Variants in SKAP2 observed in about 807,000 individuals in gnomAD.
SKAP2 encodes src kinase-associated phosphoprotein 2.
SKAP2 carries 28 observed loss-of-function variants against 54.9 expected under a neutral mutation model. The observed-to-expected ratio is 0.51, with a 90% confidence interval of 0.38 to 0.70. The LOEUF is 0.70. Among genes scored for constraint, SKAP2 ranks in the 30% least tolerant of loss-of-function variants. SKAP2 has a pLI of 0.00. For synonymous variants in SKAP2, 137 were observed against 134.3 expected (o/e 1.02, Z -0.14); for missense variants, 356 against 424.1 (o/e 0.84, Z 1.41).
At chr7:26,726,423 T>C (rs1787710629) in intron 7 of SKAP2, among the ~76,000 whole-genome samples, 1 of 152,168 alleles carries the variant, frequency 6.6e-6, no homozygotes, top group South Asian at 2.1e-4. Context: ...TAAACATACA[T>C]TCCATATTGA....
intron 4 of SKAP2, among the ~76,000 whole-genome samples, chr7:26,834,805 AAAC>A (rs1238155802): frequency 6.6e-6 from 1 of 152,226 alleles, no homozygotes; most frequent in Non-Finnish European, 1.5e-5. Flanking sequence ...AAACTATTCC[AAAC>A]AACAGAAAAA....
intron 4 of SKAP2, among the ~76,000 whole-genome samples, chr7:26,775,529 ACGTGTG>A (rs905893708): frequency 1.3e-5 from 1 of 77,112 alleles, no homozygotes; most frequent in Non-Finnish European, 2.5e-5. Context: ...TTTTACTTGT[ACGTGTG>A]TGTGTGTGTG....
At chr7:26,794,251 A>C (rs573014912) in intron 4 of SKAP2, among the ~76,000 whole-genome samples, 2 of 152,232 alleles carry the variant, frequency 1.3e-5, no homozygotes, top group South Asian at 4.1e-4. Flanking sequence ...CAGTAATCCT[A>C]GGGGGAGGAA....
chr7:26,699,803 G>C (rs944900207), intron 9 of SKAP2, among the ~76,000 whole-genome samples: 9 of 151,968 alleles, frequency 5.9e-5, no homozygotes, highest in Non-Finnish European at 1.3e-4. Flanking sequence ...TCTAAACATT[G>C]TTCATCCACC....
chr7:26,736,437 AG>A (rs11335338), intron 6 of SKAP2, among the ~76,000 whole-genome samples: 103,762 of 152,094 alleles, frequency 0.68, 35,689 homozygotes, highest in East Asian at 0.88. Flanking sequence ...TGGCTTAAAA[AG>A]GGGGAGAAAC....
intron 4 of SKAP2, among the ~76,000 whole-genome samples, chr7:26,823,284 G>A (rs1022757843): frequency 4.0e-5 from 6 of 151,868 alleles, no homozygotes; most frequent in Non-Finnish European, 8.8e-5. Flanking sequence ...AAATTAGCTG[G>A]GTGTGGTGGT....
chr7:26,695,786 C>T (rs1484717337), intron 9 of SKAP2, among the ~76,000 whole-genome samples: 2 of 152,180 alleles, frequency 1.3e-5, no homozygotes, highest in Non-Finnish European at 2.9e-5. Context: ...TCTCCCAGTT[C>T]CCCTTCCTCA....
intron 4 of SKAP2, among the ~76,000 whole-genome samples, chr7:26,839,077 C>T (rs1305112524): frequency 6.6e-6 from 1 of 152,072 alleles, no homozygotes; most frequent in Non-Finnish European, 1.5e-5. Context: ...ATCTAGTCCA[C>T]TTTGTTATAG....
chr7:26,835,603 G>T (rs1323539555), intron 4 of SKAP2, among the ~76,000 whole-genome samples: 2 of 152,000 alleles, frequency 1.3e-5, no homozygotes, highest in Non-Finnish European at 1.5e-5. Context: ...GCAACAAGAA[G>T]AATAAAATAC....
intron 9 of SKAP2, among the ~76,000 whole-genome samples, chr7:26,718,424 C>T (rs1362604877): frequency 6.6e-6 from 1 of 151,914 alleles, no homozygotes; most frequent in African/African-American, 2.4e-5. Flanking sequence ...AAAAAAGGAA[C>T]AAAAAGATTC....
chr7:26,704,471 A>G (rs1787114477), intron 9 of SKAP2, among the ~76,000 whole-genome samples: 1 of 152,206 alleles, frequency 6.6e-6, no homozygotes, highest in Admixed American at 6.5e-5. Flanking sequence ...ACAGCAAATT[A>G]AAGCACTTTT....
At chr7:26,700,741 T>C (rs1787002257) in intron 9 of SKAP2, among the ~76,000 whole-genome samples, 1 of 152,214 alleles carries the variant, frequency 6.6e-6, no homozygotes, top group Non-Finnish European at 1.5e-5. Flanking sequence ...TACATAAAAC[T>C]GTCTTAGAGT....
chr7:26,820,352 A>G (rs1285798538), intron 4 of SKAP2, among the ~76,000 whole-genome samples: 3 of 152,206 alleles, frequency 2.0e-5, no homozygotes, highest in African/African-American at 7.2e-5. Flanking sequence ...TATTTTCTGA[A>G]TTTAATGTGA....
At chr7:26,812,093 G>T (rs1219721401) in intron 4 of SKAP2, among the ~76,000 whole-genome samples, 1 of 152,122 alleles carries the variant, frequency 6.6e-6, no homozygotes, top group East Asian at 1.9e-4. Flanking sequence ...TTTCAAAGAT[G>T]TTAACCGAAA....
At chr7:26,725,032 T>G (rs1047115473) in intron 9 of SKAP2, among the ~76,000 whole-genome samples, 1 of 152,068 alleles carries the variant, frequency 6.6e-6, no homozygotes, top group Admixed American at 6.6e-5. Flanking sequence ...GGGGTGTGCA[T>G]AGAACTTCTG....
At chr7:26,806,557 A>G (rs905279735) in intron 4 of SKAP2, among the ~76,000 whole-genome samples, 1 of 152,234 alleles carries the variant, frequency 6.6e-6, no homozygotes, top group African/African-American at 2.4e-5. Context: ...GCTTGGTAAG[A>G]AATTCATGTT....
intron 4 of SKAP2, among the ~76,000 whole-genome samples, chr7:26,743,220 CTG>C (rs1782492657): frequency 6.6e-6 from 1 of 152,156 alleles, no homozygotes; most frequent in Admixed American, 6.5e-5. Context: ...AAGTTTTGCA[CTG>C]GGTCTTAGTC....
chr7:26,845,738 G>A (rs1176977839), intron 3 of SKAP2, among the ~76,000 whole-genome samples: 1 of 152,012 alleles, frequency 6.6e-6, no homozygotes, highest in African/African-American at 2.4e-5. Flanking sequence ...TAGACACCAG[G>A]CTGGGCAACA....
chr7:26,662,091 CTG>C (rs1786022231), downstream of SKAP2, among the ~76,000 whole-genome samples: 1 of 152,064 alleles, frequency 6.6e-6, no homozygotes, highest in South Asian at 2.1e-4. Context: ...TGGTACAACT[CTG>C]TCTCCAACTG....
Sources: gnomAD v4.1 joint callset for allele counts (sites outside exome capture counted in the v4.1 genomes callset) on GRCh38, gnomAD v4.1.1 for gene constraint, MANE v1.5 for transcripts, NCBI Gene and HGNC (gene_info 2026-07-23, HGNC 2026-07-21) for gene names.